SWT1: variants seen among roughly 807,000 people sequenced by gnomAD.
The protein encoded by SWT1 is transcriptional protein SWT1.
Under a neutral mutation model 107.3 loss-of-function variants are expected in SWT1, and 33 were observed. The ratio of observed to expected loss-of-function variants is 0.31; its 90% CI spans 0.23 to 0.41. The LOEUF is 0.41. Ranked by LOEUF, SWT1 falls within the 10% of genes least tolerant of loss-of-function variation. The pLI is 1.00. For missense variants in SWT1, 898 were observed against 1,028.9 expected, an observed-to-expected ratio of 0.87 and a Z score of 1.74; for synonymous variants, 345 against 348.3, an observed-to-expected ratio of 0.99 and a Z score of 0.11.
At chr1:185,244,568 G>T (rs533293918) in intron 16 of SWT1, among the ~76,000 whole-genome samples, 1 of 150,980 alleles carries the variant, frequency 6.6e-6, no homozygotes, top group Non-Finnish European at 1.5e-5. Flanking sequence ...TGAGTCAGTG[G>T]GTGGGTGGTG....
At chr1:185,240,073 T>A (rs1402332346) in intron 16 of SWT1, among the ~76,000 whole-genome samples, 2 of 152,050 alleles carry the variant, frequency 1.3e-5, no homozygotes, top group African/African-American at 4.8e-5. Flanking sequence ...AAAGCAACAA[T>A]ACAAGTGTTG....
intron 14 of SWT1, among the ~76,000 whole-genome samples, chr1:185,214,860 G>A (rs1659095261): frequency 6.6e-6 from 1 of 152,184 alleles, no homozygotes. Context: ...TGGAAGCAGT[G>A]TCACAGCAGT....
chr1:185,277,872 G>A (rs1200223222), intron 18 of SWT1, among the ~76,000 whole-genome samples: 1 of 151,344 alleles, frequency 6.6e-6, no homozygotes, highest in Non-Finnish European at 1.5e-5. Flanking sequence ...TTATTTTGCT[G>A]ATTTTTGAAC....
At chr1:185,184,650 G>A (rs1656301707) in intron 8 of SWT1, 93 bp from the exon 9 acceptor site, 1 of 830,426 alleles carries the variant, frequency 1.2e-6, no homozygotes, top group Non-Finnish European at 1.9e-6. Context: ...GGTAGGGACT[G>A]TGTGCTTTAA....
At chr1:185,160,444 C>CAG (rs1397137358) in intron 1 of SWT1, among the ~76,000 whole-genome samples, 1 of 152,158 alleles carries the variant, frequency 6.6e-6, no homozygotes, top group Non-Finnish European at 1.5e-5. Context: ...AGTGGTCACT[C>CAG]ACACCTGTAA....
intron 5 of SWT1, 102 bp downstream of exon 5, chr1:185,175,215 T>TG (rs370496832): frequency 0.03 from 27,996 of 942,274 alleles, 18 homozygotes; most frequent in East Asian, 0.045. Flanking sequence ...TTTTTTTTTT[T>TG]TTGTTGTTGT....
At chr1:185,225,758 C>T (rs1381569236) in intron 15 of SWT1, among the ~76,000 whole-genome samples, 1 of 152,078 alleles carries the variant, frequency 6.6e-6, no homozygotes, top group Non-Finnish European at 1.5e-5. Context: ...ATGCAATTGC[C>T]CAGCAGTGCA....
At chr1:185,227,237 G>A in intron 15 of SWT1, 2 of 780,252 alleles carry the variant, frequency 2.6e-6, no homozygotes, top group Middle Eastern at 6.7e-4. Context: ...TATTGCCAGT[G>A]GTAATTCTGG....
intron 18 of SWT1, chr1:185,281,788 G>A (rs1340557788): frequency 6.5e-6 from 1 of 154,016 alleles, no homozygotes; most frequent in Middle Eastern, 2.3e-3. Context: ...AACATAAACA[G>A]TGATGAAAGA....
chr1:185,230,455 A>G (rs1558058902), intron 15 of SWT1, among the ~76,000 whole-genome samples: 1 of 152,080 alleles, frequency 6.6e-6, no homozygotes, highest in Middle Eastern at 3.4e-3. Context: ...TATCACTCCC[A>G]TCTCTGCCTT....
intron 16 of SWT1, among the ~76,000 whole-genome samples, chr1:185,246,367 TCC>T (rs1353807068): frequency 1.3e-5 from 2 of 151,128 alleles, no homozygotes; most frequent in African/African-American, 4.9e-5. Context: ...GACCTCCACT[TCC>T]TGGCTCAGGT....
intron 15 of SWT1, chr1:185,227,786 T>C: frequency 2.8e-6 from 1 of 359,922 alleles, no homozygotes; most frequent in Non-Finnish European, 5.3e-6. Flanking sequence ...GAGACATTTT[T>C]AAAAATGTGT....
chr1:185,216,208 TG>T (rs1275427857), intron 14 of SWT1, among the ~76,000 whole-genome samples: 2 of 152,220 alleles, frequency 1.3e-5, no homozygotes, highest in Non-Finnish European at 2.9e-5. Context: ...AGGGGTGATA[TG>T]ATCTTTTGGT....
intron 15 of SWT1, among the ~76,000 whole-genome samples, chr1:185,226,425 A>T (rs965185339): frequency 6.6e-6 from 1 of 152,138 alleles, no homozygotes; most frequent in African/African-American, 2.4e-5. Flanking sequence ...CCTATGCACA[A>T]ATAGTTATAT....
rs533962646 is a variant in SWT1 at position 185,174,653 on chromosome 1, G to A, written c.506G>A (p.Ser169Asn). Residue 169 changes from serine (S) to asparagine (N), a missense_variant, in exon 5 of 19, where the codon AGT becomes AAT. Coordinates refer to ENST00000367500, the MANE Select transcript of SWT1 (RefSeq NM_017673.7). Reference protein sequence around the residue: ...DVKPKAEGQASENKWSHLLVQ... With the variant: ...DVKPKAEGQANENKWSHLLVQ... ...AAACCTAAAGCCGAAGGCCAGGCAA[G>A]TGAAAATAAATGGTCTCATTTACTT... is the stretch of plus-strand genomic sequence containing the variant. 15 of 1,613,774 alleles carry A rather than the reference G, an allele frequency of 9.3e-6. No homozygotes were observed. The East Asian group carries it at 1.1e-4, about 12-fold the overall frequency.
chr1:185,168,940 C>CAA (rs1293229750), intron 4 of SWT1, among the ~76,000 whole-genome samples: 4 of 152,116 alleles, frequency 2.6e-5, no homozygotes, highest in African/African-American at 7.2e-5. Flanking sequence ...GTACTTGCTG[C>CAA]TAATGGGGAT....
intron 16 of SWT1, among the ~76,000 whole-genome samples, chr1:185,234,381 C>T (rs1271005197): frequency 2.0e-5 from 3 of 152,074 alleles, no homozygotes; most frequent in Admixed American, 2.0e-4. Flanking sequence ...GCCTTTGTCT[C>T]TTTTGATCTT....
intron 12 of SWT1, 112 bp downstream of exon 12, chr1:185,204,975 C>T (rs899114067): frequency 1.5e-5 from 9 of 592,936 alleles, no homozygotes; most frequent in Non-Finnish European, 2.5e-5. Context: ...TAATCTGTAT[C>T]ATGTTACATT....
At chr1:185,280,950 G>GTGC in intron 18 of SWT1, 2 of 483,664 alleles carry the variant, frequency 4.1e-6, no homozygotes, top group Non-Finnish European at 4.2e-6. Flanking sequence ...AAGCATGTTG[G>GTGC]TGTGCTATTG....
Sources: allele counts gnomAD v4.1 joint callset (sites outside exome capture counted in the v4.1 genomes callset), GRCh38; gene constraint gnomAD v4.1.1; transcripts MANE v1.5; gene names NCBI Gene and HGNC (gene_info 2026-07-23, HGNC 2026-07-21).